CNTN4: variants seen among roughly 807,000 people sequenced by gnomAD.
The protein encoded by CNTN4 is contactin 4.
Under a neutral mutation model 122.5 loss-of-function variants are expected in CNTN4, and 77 were observed. The observed-to-expected ratio is 0.63, with a 90% CI of 0.52 to 0.76. The LOEUF (loss-of-function observed/expected upper bound fraction) is 0.76. CNTN4 is among the 30% of genes least tolerant of loss of function. The probability of loss-of-function intolerance (pLI) is 0.00; values close to 1 mark genes in which losing one functional copy is unlikely to be tolerated. For synonymous variants in CNTN4, 512 were observed against 447.0 expected, an observed-to-expected ratio of 1.15 and a Z score of -1.83; for missense variants, 1,256 against 1,259.1, an observed-to-expected ratio of 1.00 and a Z score of 0.04.
Position 2,616,020 on chromosome 3 carries a change from CT to C in CNTN4, c.55+44476del, listed in dbSNP as rs35080057. ...TAAGAATACTAGTTCCTCAGGCTGCCTTTTTTTTTTTTTTAACATTAAGTTC... is the reference window on the plus strand; with the variant it reads ...TAAGAATACTAGTTCCTCAGGCTGCCTTTTTTTTTTTTTAACATTAAGTTC... On this transcript the variant is annotated intron_variant, in intron 4 of 24. Transcript: ENST00000418658. Among the ~76,000 whole-genome samples, 697 of 142,826 alleles carry C rather than the reference CT, an allele frequency of 4.9e-3. 2 individuals carry two copies. The highest frequency in any genetic ancestry group is 8.7e-3 in the African/African-American group (336 of 38,800). The allele number at this position is 142,826 out of a possible 152,430, so 93.7% of individuals were successfully genotyped here. A position where few individuals can be genotyped will look rare whatever the true frequency, so the allele number is the denominator to read the frequency against.
intron 4 of CNTN4, among the ~76,000 whole-genome samples, chr3:2,634,467 T>A (rs1450307749): frequency 6.6e-6 from 1 of 152,078 alleles, no homozygotes; most frequent in African/African-American, 2.4e-5. Context: ...TTGAAAAATT[T>A]GAAAAAATGC....
intron 14 of CNTN4, among the ~76,000 whole-genome samples, chr3:3,019,917 G>A (rs1161663687): frequency 6.6e-6 from 1 of 150,884 alleles, no homozygotes; most frequent in East Asian, 1.9e-4. Context: ...AGGTGAAAGA[G>A]TTCTTTGTAC....
intron 2 of CNTN4, among the ~76,000 whole-genome samples, chr3:2,301,711 G>C (rs1025505666): frequency 6.6e-6 from 1 of 152,206 alleles, no homozygotes; most frequent in South Asian, 2.1e-4. Context: ...TGAAGTCTGA[G>C]TTTAACTGAC....
At chr3:2,895,971 T>A (rs1236287937) in intron 10 of CNTN4, among the ~76,000 whole-genome samples, 1 of 152,128 alleles carries the variant, frequency 6.6e-6, no homozygotes, top group Admixed American at 6.5e-5. Flanking sequence ...AGGCAGAGTT[T>A]GCAGCGAGCC....
intron 3 of CNTN4, among the ~76,000 whole-genome samples, chr3:2,562,620 C>A (rs1290489783): frequency 6.6e-6 from 1 of 152,060 alleles, no homozygotes; most frequent in African/African-American, 2.4e-5. Context: ...TTTCTTTAAT[C>A]CACCATCGAT....
chr3:2,475,550 A>G (rs1037457952), intron 3 of CNTN4, among the ~76,000 whole-genome samples: 1 of 152,184 alleles, frequency 6.6e-6, no homozygotes, highest in Admixed American at 6.5e-5. Context: ...AATGTAACAA[A>G]TGATAGTGCA....
At position 2,933,450 on chromosome 3, in the gene CNTN4, T is replaced by C. The variant is rs903843349; in HGVS notation, c.1358+7671T>C. ...TCTGTCATTGTGGGAACCTGGCTTA[T>C]GGGTGAGGCTGTGATACAGGGTTGT... On this transcript the variant is annotated intron_variant, in intron 13 of 24. Transcript: ENST00000418658. Among the ~76,000 whole-genome samples the C allele has an allele frequency of 1.5e-4, 23 of 152,160 alleles. 1 individual carries two copies. The highest frequency in any genetic ancestry group is 1.5e-3 in the Admixed American group (23 of 15,280).
At chr3:2,591,610 C>A (rs1246507527) in intron 4 of CNTN4, among the ~76,000 whole-genome samples, 1 of 51,606 alleles carries the variant, frequency 1.9e-5, no homozygotes, top group Non-Finnish European at 4.9e-5. Context: ...GTGATCCGCC[C>A]GCCTCGGCCT....
chr3:2,931,604 C>T (rs965762509), intron 13 of CNTN4, among the ~76,000 whole-genome samples: 3 of 152,092 alleles, frequency 2.0e-5, no homozygotes, highest in African/African-American at 4.8e-5. Context: ...ATCCCACATA[C>T]TATGTATTAA....
rs569436999 is a variant in CNTN4 at position 2,429,832 on chromosome 3, C to T, written c.-89+90599C>T. Reference sequence around the variant, plus strand: ...TGCCACCTTGCAGTTCCATCTCAGACTGCTGTGCTAACAATAAGTGAGGCT... The same window carrying T: ...TGCCACCTTGCAGTTCCATCTCAGATTGCTGTGCTAACAATAAGTGAGGCT... On this transcript the variant is annotated intron_variant, in intron 3 of 24. Coordinates refer to ENST00000418658, the MANE Select transcript of CNTN4 (RefSeq NM_175607.3). 3.3e-5 allele frequency among the ~76,000 whole-genome samples: 5 copies of T among 152,300 alleles called. No individual in the cohort carries two copies. In the East Asian group the frequency reaches 5.8e-4, roughly 18 times the overall value.
chr3:2,285,316 A>G lies in CNTN4; in HGVS notation c.-144-53862A>G, dbSNP rs2041863734. Among the ~76,000 whole-genome samples the G allele has an allele frequency of 2.0e-5, 3 of 152,100 alleles. No individual in the cohort carries two copies. In the South Asian group the frequency reaches 6.2e-4, roughly 31 times the overall value. ...GATGAATGGTCTAGTTAACCAAAAT[A>G]GTTTATCTGGTTCAGTTACTGTTGA... On this transcript the variant is annotated intron_variant, in intron 2 of 24. Transcript: ENST00000418658.
At chr3:2,281,799 G>A (rs150890966) in intron 2 of CNTN4, among the ~76,000 whole-genome samples, 3 of 151,976 alleles carry the variant, frequency 2.0e-5, no homozygotes, top group Admixed American at 1.3e-4. Context: ...TTCTCTGCTC[G>A]TCTAGCATCA....
At chr3:2,383,975 C>T (rs949302589) in intron 3 of CNTN4, among the ~76,000 whole-genome samples, 3 of 152,112 alleles carry the variant, frequency 2.0e-5, no homozygotes, top group Admixed American at 6.6e-5. Context: ...CCATTTGATA[C>T]CTATGACTGA....
At chr3:3,034,441 A>T (rs548403890) in intron 16 of CNTN4, among the ~76,000 whole-genome samples, 191 bp from the exon 17 acceptor site, 20 of 152,276 alleles carry the variant, frequency 1.3e-4, no homozygotes, top group African/African-American at 4.8e-4. Context: ...GCTGTGTTTC[A>T]TTCACCTCTG....
At chr3:2,743,218 C>A (rs76567869) in intron 5 of CNTN4, among the ~76,000 whole-genome samples, 1 of 151,904 alleles carries the variant, frequency 6.6e-6, no homozygotes, top group Non-Finnish European at 1.5e-5. Flanking sequence ...TTAAATTGCT[C>A]TACTATCATT....
chr3:2,819,696 G>A (rs2092820025), intron 7 of CNTN4, 115 bp downstream of exon 7: 4 of 832,358 alleles, frequency 4.8e-6, no homozygotes, highest in Non-Finnish European at 8.1e-6. Context: ...GATTCCCAAA[G>A]CCCCTCCATG....
chr3:3,031,595 C>A (rs562696510), intron 16 of CNTN4, among the ~76,000 whole-genome samples: 7 of 151,698 alleles, frequency 4.6e-5, no homozygotes, highest in Non-Finnish European at 8.8e-5. Context: ...ACCCCCCCGG[C>A]TGAGCAACAC....
chr3:2,989,385 A>G (rs566423119), intron 14 of CNTN4, among the ~76,000 whole-genome samples: 2 of 152,116 alleles, frequency 1.3e-5, no homozygotes, highest in East Asian at 3.9e-4. Flanking sequence ...TTTCTGAGTA[A>G]TTTATACAGA....
intron 7 of CNTN4, among the ~76,000 whole-genome samples, chr3:2,822,394 A>G (rs1255767584): frequency 2.6e-5 from 4 of 152,216 alleles, no homozygotes; most frequent in Admixed American, 6.5e-5. Flanking sequence ...ATAACTCGAT[A>G]AGGGCTAAAC....
Sources: gnomAD v4.1 joint callset for allele counts (sites outside exome capture counted in the v4.1 genomes callset) on GRCh38, gnomAD v4.1.1 for gene constraint, MANE v1.5 for transcripts, NCBI Gene and HGNC (gene_info 2026-07-23, HGNC 2026-07-21) for gene names.